Variants in CACNA2D3 observed in about 807,000 individuals in gnomAD.
CACNA2D3 encodes calcium voltage-gated channel auxiliary subunit alpha2delta 3, also known as voltage-dependent calcium channel subunit alpha-2/delta-3.
In CACNA2D3, 60 loss-of-function variants were observed where a neutral mutation model predicts 160.6. The observed-to-expected ratio is 0.37, with a 90% CI of 0.30 to 0.46. CACNA2D3 has a LOEUF of 0.46. Among genes scored for constraint, CACNA2D3 ranks in the 20% least tolerant of loss-of-function variants. The pLI is 1.00. For missense variants in CACNA2D3, 1,205 were observed against 1,365.0 expected, an observed-to-expected ratio of 0.88 and a Z score of 1.85; for synonymous variants, 558 against 492.9, an observed-to-expected ratio of 1.13 and a Z score of -1.75.
intron 31 of CACNA2D3, among the ~76,000 whole-genome samples, chr3:55,000,979 A>T (rs1702969263): frequency 6.6e-6 from 1 of 152,172 alleles, no homozygotes; most frequent in African/African-American, 2.4e-5. Flanking sequence ...ATCACCAATG[A>T]TCTATGTGAA....
intron 4 of CACNA2D3, among the ~76,000 whole-genome samples, chr3:54,478,146 C>A (rs368242653): frequency 6.6e-6 from 1 of 151,802 alleles, no homozygotes; most frequent in East Asian, 1.9e-4. Flanking sequence ...TTTCCATTTT[C>A]TGGGAATGCT....
At chr3:54,202,385 C>T (rs1042153228) in intron 2 of CACNA2D3, among the ~76,000 whole-genome samples, 1 of 152,248 alleles carries the variant, frequency 6.6e-6, no homozygotes, top group African/African-American at 2.4e-5. Context: ...GGCAGTTAGA[C>T]TGGAAGAATC....
At chr3:54,605,756 T>G (rs1698596140) in intron 9 of CACNA2D3, among the ~76,000 whole-genome samples, 1 of 152,206 alleles carries the variant, frequency 6.6e-6, no homozygotes, top group Non-Finnish European at 1.5e-5. Flanking sequence ...CTGGGGACAT[T>G]ACTGTGAATC....
chr3:54,643,285 G>A (rs1699563782), intron 11 of CACNA2D3, among the ~76,000 whole-genome samples: 1 of 152,222 alleles, frequency 6.6e-6, no homozygotes, highest in African/African-American at 2.4e-5. Flanking sequence ...CTCTGAACAT[G>A]AGATGGGAGG....
At chr3:54,661,119 A>G (rs1395172045) in intron 11 of CACNA2D3, among the ~76,000 whole-genome samples, 1 of 152,180 alleles carries the variant, frequency 6.6e-6, no homozygotes, top group Non-Finnish European at 1.5e-5. Context: ...CCAAATGGCC[A>G]GGAAGGCTTC....
chr3:54,358,572 G>A (rs1698689225), intron 3 of CACNA2D3, among the ~76,000 whole-genome samples: 1 of 152,206 alleles, frequency 6.6e-6, no homozygotes, highest in Admixed American at 6.5e-5. Context: ...GGCGCCTCAA[G>A]GCCCTTGAGC....
rs191307223 is a variant in CACNA2D3 at position 54,654,034 on chromosome 3, T to C, written c.1167+11793T>C. ...GGGAGCACTTCTAGTAGCATTCTTA[T>C]TTTGCAGGTGAGAGAGCTCAGAGGA... On this transcript the variant is annotated intron_variant, in intron 11 of 37. Coordinates refer to ENST00000474759, the MANE Select transcript of CACNA2D3 (RefSeq NM_018398.3). 2.3e-3 allele frequency among the ~76,000 whole-genome samples: 353 copies of C among 152,276 alleles called. 1 individual carries two copies. The highest frequency in any genetic ancestry group is 4.1e-3 in the Admixed American group (63 of 15,302).
At chr3:54,986,215 T>C (rs1702609066) in intron 30 of CACNA2D3, among the ~76,000 whole-genome samples, 1 of 152,022 alleles carries the variant, frequency 6.6e-6, no homozygotes. Context: ...AGCCAACAAA[T>C]GATGGAAACA....
At chr3:54,676,794 A>G (rs1255790092) in intron 11 of CACNA2D3, among the ~76,000 whole-genome samples, 2 of 152,160 alleles carry the variant, frequency 1.3e-5, no homozygotes, top group Non-Finnish European at 2.9e-5. Context: ...TTCGATTTAG[A>G]TTGCTCTTGT....
At position 54,895,805 on chromosome 3, in the gene CACNA2D3, C is replaced by G. The variant is rs1025833024; in HGVS notation, c.2247-944C>G. ...CAGCCAAGATGAGGCGCTTCAGGTG[C>G]TGGACAGCACATGTGACTCTCCAGA... On this transcript the variant is annotated intron_variant, in intron 25 of 37. Coordinates refer to ENST00000474759, the MANE Select transcript of CACNA2D3 (RefSeq NM_018398.3). 2.0e-5 allele frequency among the ~76,000 whole-genome samples: 3 copies of G among 152,202 alleles called. No homozygotes were observed. The South Asian group carries it at 6.2e-4, about 32-fold the overall frequency.
At chr3:54,562,774 CCT>C (rs139760387) in intron 5 of CACNA2D3, 24 bp from the exon 6 acceptor site, 212 of 1,562,566 alleles carry the variant, frequency 1.4e-4, no homozygotes, top group Middle Eastern at 1.7e-4. Flanking sequence ...CTAATACACC[CCT>C]CTCTCTCTCT....
At chr3:54,667,170 ACT>A (rs1700082283) in intron 11 of CACNA2D3, among the ~76,000 whole-genome samples, 1 of 151,798 alleles carries the variant, frequency 6.6e-6, no homozygotes, top group East Asian at 1.9e-4. Flanking sequence ...CTGTTTTAAA[ACT>A]CTGCTGATTG....
At chr3:54,665,662 A>G (rs978620079) in intron 11 of CACNA2D3, among the ~76,000 whole-genome samples, 2 of 152,196 alleles carry the variant, frequency 1.3e-5, no homozygotes, top group East Asian at 3.9e-4. Context: ...AGAGATAGGA[A>G]GAGACTACTG....
intron 5 of CACNA2D3, among the ~76,000 whole-genome samples, chr3:54,520,379 T>C (rs752338760): frequency 6.6e-6 from 1 of 152,216 alleles, no homozygotes; most frequent in East Asian, 1.9e-4. Flanking sequence ...ATCACACAGC[T>C]AATTTCTGGA....
At chr3:55,015,606 T>C (rs1185127922) in intron 34 of CACNA2D3, among the ~76,000 whole-genome samples, 1 of 152,180 alleles carries the variant, frequency 6.6e-6, no homozygotes, top group Non-Finnish European at 1.5e-5. Context: ...ATTCAAATAA[T>C]TTAAATATGA....
chr3:54,232,410 A>G (rs1246500615), intron 2 of CACNA2D3, among the ~76,000 whole-genome samples: 1 of 152,168 alleles, frequency 6.6e-6, no homozygotes, highest in Non-Finnish European at 1.5e-5. Flanking sequence ...TCATGTCAAT[A>G]CCACTTATTG....
chr3:54,627,690 A>G (rs961512083), intron 9 of CACNA2D3, 97 bp from the exon 10 acceptor site: 28 of 752,268 alleles, frequency 3.7e-5, no homozygotes, highest in South Asian at 1.7e-4. Flanking sequence ...GGATCTGACA[A>G]TCATTGGTCT....
chr3:54,323,647 T>C (rs113394730), intron 3 of CACNA2D3, among the ~76,000 whole-genome samples: 12,419 of 152,090 alleles, frequency 0.082, 588 homozygotes, highest in Middle Eastern at 0.14. Flanking sequence ...TTTGTATTTT[T>C]AGTAGAGACG....
chr3:54,472,971 A>G (rs1299948680), intron 4 of CACNA2D3, among the ~76,000 whole-genome samples: 3 of 152,244 alleles, frequency 2.0e-5, no homozygotes, highest in Non-Finnish European at 4.4e-5. Flanking sequence ...AGTAATTTAT[A>G]GATTCAGCGC....
Sources: allele counts gnomAD v4.1 joint callset (sites outside exome capture counted in the v4.1 genomes callset), GRCh38; gene constraint gnomAD v4.1.1; transcripts MANE v1.5; gene names NCBI Gene and HGNC (gene_info 2026-07-23, HGNC 2026-07-21).